UTP20: variants seen among roughly 807,000 people sequenced by gnomAD.
UTP20 encodes the protein small subunit processome component 20 homolog.
A neutral mutation model predicts 329.5 loss-of-function variants in UTP20; 164 were observed. The observed-to-expected ratio is 0.50, with a 90% CI of 0.44 to 0.57. UTP20 has a LOEUF of 0.57. Among genes scored for constraint, UTP20 ranks in the 20% least tolerant of loss-of-function variants. UTP20 has a pLI of 0.00. For synonymous variants in UTP20, 1,151 were observed against 1,159.3 expected (o/e 0.99, Z 0.14); for missense variants, 3,055 against 3,284.2 (o/e 0.93, Z 1.71).
intron 27 of UTP20, among the ~76,000 whole-genome samples, chr12:101,333,024 A>C (rs961550088): frequency 1.3e-5 from 2 of 152,252 alleles, no homozygotes; most frequent in African/African-American, 2.4e-5. Flanking sequence ...AATACAGAAT[A>C]CAAAACAACT....
chr12:101,339,739 G>A (rs1012854053), intron 31 of UTP20, among the ~76,000 whole-genome samples: 3 of 152,126 alleles, frequency 2.0e-5, no homozygotes, highest in Non-Finnish European at 4.4e-5. Context: ...TTTCGGTAAA[G>A]GGAAAGGTTA....
Position 101,373,399 on chromosome 12 carries a change from A to G in UTP20, c.6879-2A>G, listed in dbSNP as rs375468434. 6.2e-7 allele frequency: 1 copy of G among 1,613,604 alleles called. No individual in the cohort carries two copies. On this transcript the variant is annotated splice_acceptor_variant, in intron 52 of 61. Transcript: ENST00000261637. LOFTEE classifies it high-confidence loss of function. The stretch of plus-strand genomic sequence containing the variant: ...CAAATCCACCTAATGTCCTTCCCCT[A>G]GTTACGAACATGAGACCGGGAGAGA...
intron 6 of UTP20, 52 bp from the exon 7 acceptor site, chr12:101,290,085 G>A (rs1341406163): frequency 7.5e-6 from 10 of 1,330,474 alleles, no homozygotes; most frequent in East Asian, 7.2e-5. Flanking sequence ...TTCTTCATTT[G>A]GATATGTTTA....
intron 19 of UTP20, among the ~76,000 whole-genome samples, chr12:101,311,200 GT>G (rs1872778331): frequency 6.6e-6 from 1 of 152,182 alleles, no homozygotes; most frequent in South Asian, 2.1e-4. Flanking sequence ...ATATTTGAGA[GT>G]ATTGTTGCTA....
intron 43 of UTP20, among the ~76,000 whole-genome samples, chr12:101,360,149 G>C (rs138033991): frequency 4.2e-4 from 64 of 152,284 alleles, no homozygotes; most frequent in African/African-American, 1.5e-3. Context: ...GAGAACAACT[G>C]ATTTCAGCTT....
At chr12:101,306,907 C>G (rs919986888) in intron 17 of UTP20, 146 bp downstream of exon 17, 1 of 732,454 alleles carries the variant, frequency 1.4e-6, no homozygotes, top group Non-Finnish European at 2.0e-6. Flanking sequence ...GGCGCGGTGG[C>G]TCACGCCTGT....
intron 35 of UTP20, among the ~76,000 whole-genome samples, chr12:101,343,671 C>G (rs1394469714): frequency 6.6e-6 from 1 of 152,124 alleles, no homozygotes; most frequent in Non-Finnish European, 1.5e-5. Context: ...CGCCACCACA[C>G]CCACCTAATT....
At chr12:101,361,578 A>G (rs1869918198) in intron 43 of UTP20, among the ~76,000 whole-genome samples, 1 of 152,020 alleles carries the variant, frequency 6.6e-6, no homozygotes, top group African/African-American at 2.4e-5. Context: ...GTGAGCCAAG[A>G]TCGCACCATT....
chr12:101,310,049 G>A (rs11110745), intron 19 of UTP20, among the ~76,000 whole-genome samples: 49 of 152,130 alleles, frequency 3.2e-4, no homozygotes, highest in Non-Finnish European at 6.8e-4. Flanking sequence ...AATATTATAC[G>A]TGTGTCTCTT....
In UTP20 at chr12:101,359,501, G is replaced by GTA. The variant is rs113405115; in HGVS notation, c.5691+2436_5691+2437dup. 8.7e-3 allele frequency among the ~76,000 whole-genome samples: 1,288 copies of GTA among 147,710 alleles called. 10 individuals carry two copies. The highest frequency in any genetic ancestry group is 0.015 in the African/African-American group (609 of 40,162). ...TGTGTGTGTGTATGTATGTGTGTGT[G>GTA]TATATATATATATATATAGCTCTTC... On this transcript the variant is annotated intron_variant, in intron 43 of 61. Transcript: ENST00000261637.
intron 22 of UTP20, 126 bp from the exon 23 acceptor site, chr12:101,319,419 T>A: frequency 1.6e-6 from 1 of 640,114 alleles, no homozygotes; most frequent in East Asian, 3.0e-5. Flanking sequence ...AAGCCTTGTT[T>A]ATATAATAGT....
intron 21 of UTP20, among the ~76,000 whole-genome samples, chr12:101,314,078 A>G (rs142507296): frequency 5.6e-4 from 85 of 152,318 alleles, no homozygotes; most frequent in African/African-American, 1.9e-3. Flanking sequence ...GACTGTAGAG[A>G]GAAAAGACTT....
intron 24 of UTP20, 82 bp downstream of exon 24, chr12:101,321,019 T>G (rs1868359508): frequency 1.6e-6 from 2 of 1,255,924 alleles, no homozygotes; most frequent in East Asian, 4.8e-5. Context: ...CTAGAATAAT[T>G]TATTAAAGGC....
intron 22 of UTP20, among the ~76,000 whole-genome samples, chr12:101,318,712 T>G (rs1873052512): frequency 6.6e-6 from 1 of 151,042 alleles, no homozygotes. Context: ...ACGCCTGTAA[T>G]CCCAGCTACT....
intron 11 of UTP20, among the ~76,000 whole-genome samples, chr12:101,293,661 C>T (rs550046564): frequency 9.9e-5 from 15 of 152,166 alleles, no homozygotes; most frequent in Non-Finnish European, 1.8e-4. Context: ...CTTGGCCCTC[C>T]TCCTAACTAG....
intron 48 of UTP20, 123 bp downstream of exon 48, chr12:101,368,099 G>A: frequency 2.9e-6 from 2 of 694,878 alleles, no homozygotes; most frequent in Non-Finnish European, 4.8e-6. Flanking sequence ...GTTTTTGTTT[G>A]GTTGGTGGGT....
chr12:101,356,352 C>T (rs57051180), intron 41 of UTP20, among the ~76,000 whole-genome samples: 5,115 of 152,254 alleles, frequency 0.034, 326 homozygotes, highest in African/African-American at 0.12. Context: ...TCTCAAACTC[C>T]CGATCTCAGG....
rs1868825047 is a variant in UTP20, at chr12:101,333,406, G to T, written c.3523G>T (p.Glu1175Ter). The part of the protein sequence containing the change: ...DWESYQFRTE[E>*]IDAVFHGAVW... ...GGAATCATATCAGTTTAGAACAGAA[G>T]AAATTGATGCTGTGTTTCATGGTGC... Residue 1175 changes from glutamate to a stop codon, truncating the protein, a stop_gained, in exon 28 of 62, where the codon GAA becomes TAA. Transcript: ENST00000261637. LOFTEE classifies it high-confidence loss of function. 6.2e-7 allele frequency: 1 copy of T among 1,613,824 alleles called. No homozygotes were observed. Among genetic ancestry groups the T allele is most frequent in the Admixed American group, 1.7e-5 (1 of 59,962 alleles).
rs563716324 is a variant in UTP20 at position 101,338,765 on chromosome 12, G to A, written c.3869-48G>A. 6.7e-6 allele frequency: 10 copies of A among 1,489,498 alleles called. No homozygotes were observed. The South Asian group carries it at 1.1e-4, about 16-fold the overall frequency. 92.3% of individuals were successfully genotyped at this position (1,489,498 alleles called of 1,614,324 possible). On this transcript the variant is annotated intron_variant, in intron 30 of 61. Coordinates refer to ENST00000261637, the MANE Select transcript of UTP20 (RefSeq NM_014503.3). ...CATCATGAAGATTTTGTACAATTATGCCTTAAGAGAGTTTATTAAAATCAA... is the reference window on the plus strand; with the variant it reads ...CATCATGAAGATTTTGTACAATTATACCTTAAGAGAGTTTATTAAAATCAA...
Sources: allele counts gnomAD v4.1 joint callset (sites outside exome capture counted in the v4.1 genomes callset), GRCh38; gene constraint gnomAD v4.1.1; transcripts MANE v1.5; gene names NCBI Gene and HGNC (gene_info 2026-07-23, HGNC 2026-07-21).